The following HYCC1 variants were observed in gnomAD, a reference collection of about 807,000 sequenced individuals.
The protein encoded by HYCC1 is hyccin PI4KA lipid kinase complex subunit 1.
At chr7:23,007,905 C>A in the HYCC1 span, among the ~76,000 whole-genome samples, 3 of 152,024 alleles carry the variant, frequency 2.0e-5, no homozygotes, top group Admixed American at 2.0e-4. Flanking sequence ...TTGGTTCCCC[C>A]TGAAAAGGCA....
chr7:22,929,070 G>C, the HYCC1 span, among the ~76,000 whole-genome samples: 1 of 152,264 alleles, frequency 6.6e-6, no homozygotes, highest in East Asian at 1.9e-4. Context: ...TGACAAACCT[G>C]ACAAAAACAA....
the HYCC1 span, among the ~76,000 whole-genome samples, chr7:22,905,011 G>A: frequency 6.6e-6 from 1 of 152,056 alleles, no homozygotes; most frequent in South Asian, 2.1e-4. Context: ...GAGAAAGGGA[G>A]TAGAGTATCA....
chr7:22,965,012 T>C, the HYCC1 span, among the ~76,000 whole-genome samples: 4 of 151,966 alleles, frequency 2.6e-5, no homozygotes, highest in Admixed American at 1.3e-4. Context: ...CATGTGCCTG[T>C]ATTCCCAGCT....
the HYCC1 span, chr7:22,945,621 G>T: frequency 6.2e-7 from 1 of 1,612,274 alleles, no homozygotes; most frequent in Admixed American, 1.7e-5. Flanking sequence ...CTAATACTAG[G>T]AGGTCTCTGC....
the HYCC1 span, among the ~76,000 whole-genome samples, chr7:22,917,184 A>C: frequency 1.3e-5 from 2 of 151,220 alleles, no homozygotes; most frequent in Admixed American, 6.6e-5. Context: ...ACTCCCACTT[A>C]CTCCCCCACT....
chr7:22,962,975 T>C, the HYCC1 span, among the ~76,000 whole-genome samples: 1 of 152,086 alleles, frequency 6.6e-6, no homozygotes. Context: ...CAGGTAGCAC[T>C]AGAGGAATTT....
the HYCC1 span, among the ~76,000 whole-genome samples, chr7:22,993,284 T>C: frequency 6.6e-6 from 1 of 152,154 alleles, no homozygotes; most frequent in South Asian, 2.1e-4. Flanking sequence ...CAGTAAACCA[T>C]AAGGCTTTTA....
the HYCC1 span, among the ~76,000 whole-genome samples, chr7:22,929,164 T>C: frequency 1.3e-5 from 2 of 152,166 alleles, no homozygotes; most frequent in Non-Finnish European, 2.9e-5. Context: ...CTGGACCCCT[T>C]CCTTACACCT....
the HYCC1 span, chr7:22,938,491 AC>A: frequency 1.3e-5 from 2 of 152,216 alleles, no homozygotes; most frequent in Admixed American, 6.5e-5. Context: ...CCTATTATTT[AC>A]TTGTGCTTTA....
At chr7:22,961,399 A>T in the HYCC1 span, 1 of 830,254 alleles carries the variant, frequency 1.2e-6, no homozygotes, top group African/African-American at 1.7e-5. Context: ...AACTATCTTT[A>T]CTGAAGAAAA....
chr7:22,971,949 A>T, the HYCC1 span, among the ~76,000 whole-genome samples: 1 of 152,172 alleles, frequency 6.6e-6, no homozygotes, highest in African/African-American at 2.4e-5. Context: ...CAAGATTTAC[A>T]TACCGGTAAA....
At chr7:22,951,988 CAAGAA>C in the HYCC1 span, among the ~76,000 whole-genome samples, 3 of 151,866 alleles carry the variant, frequency 2.0e-5, no homozygotes, top group Non-Finnish European at 2.9e-5. Flanking sequence ...TTCAACAAAA[CAAGAA>C]AAGAAAGAAC....
the HYCC1 span, chr7:22,938,858 A>C: frequency 6.6e-6 from 1 of 151,858 alleles, no homozygotes; most frequent in South Asian, 2.1e-4. Context: ...TGATTCAGGG[A>C]AATTAGCACA....
At chr7:22,985,621 T>C in the HYCC1 span, 11 of 152,216 alleles carry the variant, frequency 7.2e-5, no homozygotes, top group East Asian at 1.9e-3. Flanking sequence ...AAGGTTTTAC[T>C]GCAACTGCTT....
chr7:22,905,665 T>A, the HYCC1 span, among the ~76,000 whole-genome samples: 2 of 152,146 alleles, frequency 1.3e-5, no homozygotes, highest in Admixed American at 1.3e-4. Context: ...TATTTTTATA[T>A]AATTCTTTTC....
chr7:22,977,128 C>A, the HYCC1 span, among the ~76,000 whole-genome samples: 1 of 119,212 alleles, frequency 8.4e-6, no homozygotes, highest in African/African-American at 3.2e-5. Context: ...AAAAAGAATA[C>A]TTTCAATAGA....
the HYCC1 span, among the ~76,000 whole-genome samples, chr7:22,901,431 T>TAC: frequency 6.6e-6 from 1 of 152,056 alleles, no homozygotes; most frequent in African/African-American, 2.4e-5. Context: ...ACACACCAAT[T>TAC]AGAAGACGAA....
chr7:22,922,177 T>G, the HYCC1 span, among the ~76,000 whole-genome samples: 1 of 130,776 alleles, frequency 7.6e-6, no homozygotes. Flanking sequence ...TTAATCTAAC[T>G]TTATGATTAA....
At chr7:22,896,435 T>C in the HYCC1 span, among the ~76,000 whole-genome samples, 1 of 152,232 alleles carries the variant, frequency 6.6e-6, no homozygotes, top group Non-Finnish European at 1.5e-5. Flanking sequence ...TACACAGTTC[T>C]GCAGTTGCAT....
Sources: allele counts gnomAD v4.1 joint callset (sites outside exome capture counted in the v4.1 genomes callset), GRCh38; gene constraint gnomAD v4.1.1; transcripts MANE v1.5; gene names NCBI Gene and HGNC (gene_info 2026-07-23, HGNC 2026-07-21).